WWOX: variants seen among roughly 807,000 people sequenced by gnomAD.
The protein encoded by WWOX is WW domain containing oxidoreductase.
Under a neutral mutation model 46.2 loss-of-function variants are expected in WWOX, and 69 were observed. That is an observed-to-expected ratio of 1.49 (90% CI 1.23 to 1.82). WWOX has a LOEUF of 1.82. Ranked by LOEUF, WWOX falls within the 40% of genes most tolerant of loss-of-function variation. The pLI is 0.00. For missense variants in WWOX, 919 were observed against 542.6 expected (o/e 1.69, Z -6.89); for synonymous variants, 359 against 202.6 (o/e 1.77, Z -6.56).
intron 8 of WWOX, among the ~76,000 whole-genome samples, chr16:79,028,681 T>A (rs373926968): frequency 7.9e-5 from 12 of 151,764 alleles, no homozygotes; most frequent in Non-Finnish European, 1.6e-4. Context: ...ACATTACACA[T>A]AAGCCCCCAT....
chr16:78,355,684 C>T (rs1393492211), intron 5 of WWOX: 8 of 733,872 alleles, frequency 1.1e-5, no homozygotes, highest in Non-Finnish European at 1.6e-5. Context: ...TAAATATGAT[C>T]TTGGGAGACG....
chr16:78,627,899 G>A (rs545332306), intron 8 of WWOX, among the ~76,000 whole-genome samples: 47 of 152,340 alleles, frequency 3.1e-4, no homozygotes, highest in Middle Eastern at 6.8e-3. Context: ...CGTGGATTTG[G>A]CGTTGGCCAG....
chr16:78,996,363 GAATTCTGCACCCACCCCCGCCCCCCA>G, intron 8 of WWOX: 1 of 902,948 alleles, frequency 1.1e-6, no homozygotes, highest in Non-Finnish European at 1.3e-6. Flanking sequence ...GAGTGTGAGT[GAATTCTGCACCCACCCCCGCCCCCCA>G]GCTTCCCCAC....
At chr16:79,036,949 T>G (rs1045786430) in intron 8 of WWOX, among the ~76,000 whole-genome samples, 3 of 152,246 alleles carry the variant, frequency 2.0e-5, no homozygotes, top group Non-Finnish European at 2.9e-5. Context: ...TGTGTTATCT[T>G]GGCTCCATTT....
intron 8 of WWOX, among the ~76,000 whole-genome samples, chr16:78,836,357 G>A (rs1264419641): frequency 6.6e-6 from 1 of 152,114 alleles, no homozygotes; most frequent in Non-Finnish European, 1.5e-5. Flanking sequence ...GGCCCCAGCA[G>A]AGATAGGAGG....
At chr16:78,904,901 G>A (rs1340843944) in intron 8 of WWOX, among the ~76,000 whole-genome samples, 3 of 151,976 alleles carry the variant, frequency 2.0e-5, no homozygotes, top group Non-Finnish European at 2.9e-5. Context: ...TTCTTTTATT[G>A]GTATTACATT....
At chr16:78,659,167 T>C (rs1381075613) in intron 8 of WWOX, among the ~76,000 whole-genome samples, 1 of 152,018 alleles carries the variant, frequency 6.6e-6, no homozygotes, top group Non-Finnish European at 1.5e-5. Flanking sequence ...AGAAATGCTC[T>C]TTAACCCAGT....
chr16:79,011,135 C>CCACACACACACACA (rs10611855), intron 8 of WWOX, among the ~76,000 whole-genome samples: 1 of 146,210 alleles, frequency 6.8e-6, no homozygotes, highest in Non-Finnish European at 1.5e-5. Flanking sequence ...ACTCACACAT[C>CCACACACACACACA]CACACACACA....
At chr16:78,928,962 T>C (rs930955457) in intron 8 of WWOX, among the ~76,000 whole-genome samples, 19 of 152,240 alleles carry the variant, frequency 1.2e-4, no homozygotes, top group African/African-American at 4.6e-4. Flanking sequence ...TGTTAAACTT[T>C]ACATGTATGC....
At chr16:78,989,144 G>A (rs1020091128) in intron 8 of WWOX, among the ~76,000 whole-genome samples, 1 of 152,040 alleles carries the variant, frequency 6.6e-6, no homozygotes, top group Non-Finnish European at 1.5e-5. Context: ...GAGTTCTGAA[G>A]ATGCTGAACC....
intron 4 of WWOX, chr16:78,118,871 C>T (rs554115339): frequency 6.6e-6 from 1 of 151,908 alleles, no homozygotes; most frequent in African/African-American, 2.4e-5. Flanking sequence ...GAAACCCCCG[C>T]CTTTTTTTTA....
intron 8 of WWOX, among the ~76,000 whole-genome samples, chr16:79,090,612 G>C (rs1240201522): frequency 6.6e-6 from 1 of 152,120 alleles, no homozygotes. Flanking sequence ...CTCTAGACAG[G>C]GTTCTGTGAT....
chr16:78,312,378 A>ATTTTTTTTT (rs1390839902), intron 5 of WWOX, among the ~76,000 whole-genome samples: 1 of 77,676 alleles, frequency 1.3e-5, no homozygotes, highest in Non-Finnish European at 2.5e-5. Flanking sequence ...TGTAGGTCTA[A>ATTTTTTTTT]TTCTTTTTTT....
intron 5 of WWOX, among the ~76,000 whole-genome samples, chr16:78,227,801 C>T (rs1175715897): frequency 1.3e-5 from 2 of 152,082 alleles, no homozygotes; most frequent in African/African-American, 4.8e-5. Flanking sequence ...CGCTTGAACT[C>T]GGGAGGCGGA....
At chr16:78,386,774 T>C (rs2082069945) in intron 5 of WWOX, 86 bp from the exon 6 acceptor site, 2 of 1,192,730 alleles carry the variant, frequency 1.7e-6, no homozygotes, top group Non-Finnish European at 2.5e-6. Flanking sequence ...AATTCCGACA[T>C]GTTCCATAAC....
At chr16:78,327,521 G>T (rs1036963612) in intron 5 of WWOX, among the ~76,000 whole-genome samples, 3 of 152,122 alleles carry the variant, frequency 2.0e-5, no homozygotes, top group Non-Finnish European at 4.4e-5. Flanking sequence ...AACATGGAGC[G>T]CTCAGCAAAT....
At chr16:78,597,092 G>A (rs2045509188) in intron 8 of WWOX, among the ~76,000 whole-genome samples, 1 of 152,132 alleles carries the variant, frequency 6.6e-6, no homozygotes, top group African/African-American at 2.4e-5. Context: ...TACGACCTGG[G>A]TGCTAGTATC....
intron 8 of WWOX, among the ~76,000 whole-genome samples, chr16:79,019,093 G>A (rs1480317441): frequency 2.7e-5 from 4 of 146,912 alleles, no homozygotes; most frequent in Non-Finnish European, 5.9e-5. Flanking sequence ...AGGAGGCAGA[G>A]GTTGCTGTGA....
At chr16:78,989,821 C>CGTGTGTTTGTGTGTGTGTGTGTGT (rs34409137) in intron 8 of WWOX, among the ~76,000 whole-genome samples, 3 of 136,402 alleles carry the variant, frequency 2.2e-5, no homozygotes, top group African/African-American at 5.5e-5. Context: ...GGTGTGTGAG[C>CGTGTGTTTGTGTGTGTGTGTGTGT]GTGTGTGTGT....
Sources: allele counts gnomAD v4.1 joint callset (sites outside exome capture counted in the v4.1 genomes callset), GRCh38; gene constraint gnomAD v4.1.1; transcripts MANE v1.5; gene names NCBI Gene and HGNC (gene_info 2026-07-23, HGNC 2026-07-21).